CDH4: variants seen among roughly 807,000 people sequenced by gnomAD.
CDH4 encodes cadherin-4.
CDH4 carries 33 observed loss-of-function variants against 86.0 expected under a neutral mutation model. The observed-to-expected ratio is 0.38, with a 90% CI of 0.29 to 0.51. CDH4 has a LOEUF of 0.51. CDH4 is among the 20% of genes least tolerant of loss of function. The probability of loss-of-function intolerance (pLI) is 0.86; values close to 1 mark genes in which losing one functional copy is unlikely to be tolerated. For synonymous variants in CDH4, 555 were observed against 549.4 expected, an observed-to-expected ratio of 1.01 and a Z score of -0.14; for missense variants, 1,114 against 1,307.4, an observed-to-expected ratio of 0.85 and a Z score of 2.28.
intron 6 of CDH4, among the ~76,000 whole-genome samples, chr20:61,869,812 C>G (rs1232807505): frequency 6.6e-6 from 1 of 152,206 alleles, no homozygotes; most frequent in Non-Finnish European, 1.5e-5. Context: ...GGAGGACCTC[C>G]TGCCTGGCCT....
intron 8 of CDH4, among the ~76,000 whole-genome samples, chr20:61,907,570 A>T (rs1288256801): frequency 1.3e-5 from 2 of 152,176 alleles, no homozygotes; most frequent in African/African-American, 4.8e-5. Context: ...TGCAGGGCCC[A>T]GTGTGTCCCA....
chr20:61,477,877 C>T (rs1050572568), intron 2 of CDH4, among the ~76,000 whole-genome samples: 5 of 152,204 alleles, frequency 3.3e-5, no homozygotes, highest in African/African-American at 1.2e-4. Flanking sequence ...CAAGCAGAAC[C>T]TTCTCATTCT....
intron 2 of CDH4, among the ~76,000 whole-genome samples, chr20:61,633,676 C>T (rs1403171663): frequency 6.6e-6 from 1 of 152,214 alleles, no homozygotes; most frequent in Admixed American, 6.5e-5. Context: ...AACCTTCCTG[C>T]ACCCCAGTTT....
chr20:61,342,083 G>A (rs1372845074), intron 2 of CDH4, among the ~76,000 whole-genome samples: 1 of 152,150 alleles, frequency 6.6e-6, no homozygotes, highest in Non-Finnish European at 1.5e-5. Flanking sequence ...CGTGCATGTA[G>A]GGTCTGGGGA....
At chr20:61,764,553 A>G (rs994480543) in intron 3 of CDH4, among the ~76,000 whole-genome samples, 1 of 152,036 alleles carries the variant, frequency 6.6e-6, no homozygotes, top group Non-Finnish European at 1.5e-5. Context: ...ATGGGTGGAG[A>G]GTGAACACAC....
chr20:61,566,063 C>A (rs981309675), intron 2 of CDH4, among the ~76,000 whole-genome samples: 1 of 152,204 alleles, frequency 6.6e-6, no homozygotes, highest in Non-Finnish European at 1.5e-5. Context: ...CGGTGGGTCG[C>A]TGGTCCTCTG....
At position 61,934,187 on chromosome 20, in the gene CDH4, G is replaced by A. The variant is rs376784664; in HGVS notation, c.2511G>A (p.Pro837=). The change falls in exon 15 of 16, where the codon CCG becomes CCA. Residue 837 remains proline (P), a synonymous_variant. Coordinates refer to ENST00000614565, the MANE Select transcript of CDH4 (RefSeq NM_001794.5). ...EPQYPIRPMV[P]HPGDIGDFIN... ...AGTACCCGATCAGGCCCATGGTGCC[G>A]CACCCAGGCGACATCGGTGACTTCA... 96 of 1,581,018 alleles carry A rather than the reference G, an allele frequency of 6.1e-5. No individual in the cohort carries two copies. The highest frequency in any genetic ancestry group is 1.9e-4 in the Admixed American group (11 of 57,004).
chr20:61,877,356 A>G (rs1032721877), intron 7 of CDH4, among the ~76,000 whole-genome samples: 4 of 128,626 alleles, frequency 3.1e-5, no homozygotes, highest in Middle Eastern at 4.0e-3. Context: ...ACAGAGCGGT[A>G]CCCACCCCCC....
intron 4 of CDH4, among the ~76,000 whole-genome samples, chr20:61,780,520 G>C (rs1187918042): frequency 1.3e-5 from 2 of 152,186 alleles, no homozygotes; most frequent in African/African-American, 4.8e-5. Flanking sequence ...TGACGGACAC[G>C]GCCCTAGTGC....
intron 2 of CDH4, among the ~76,000 whole-genome samples, chr20:61,329,150 T>A (rs548359521): frequency 1.3e-5 from 2 of 152,362 alleles, no homozygotes; most frequent in South Asian, 2.1e-4. Context: ...GTACTGAACG[T>A]GTATCATTTT....
chr20:61,377,469 C>G lies in CDH4; in HGVS notation c.169+122532C>G, dbSNP rs543683156. The stretch of plus-strand genomic sequence containing the variant: ...CTGGTGCCTTTCCTGAGTGTAAAAC[C>G]CTCCAGCACCAAGACATCCCCATGT... On this transcript the variant is annotated intron_variant, in intron 2 of 15. Coordinates refer to ENST00000614565, the MANE Select transcript of CDH4 (RefSeq NM_001794.5). The surrounding 1 kb of genome is among the most constrained non-coding windows in gnomAD (Gnocchi z 4.0). Among the ~76,000 whole-genome samples, 183 of 152,254 alleles carry G rather than the reference C, an allele frequency of 1.2e-3. No homozygotes were observed. The highest frequency in any genetic ancestry group is 2.2e-3 in the Non-Finnish European group (152 of 68,020).
chr20:61,265,600 C>G (rs1271342178), intron 2 of CDH4, among the ~76,000 whole-genome samples: 1 of 152,214 alleles, frequency 6.6e-6, no homozygotes, highest in Admixed American at 6.5e-5. Context: ...TTCATTCAGT[C>G]TTACATGGAC....
intron 2 of CDH4, among the ~76,000 whole-genome samples, chr20:61,479,263 C>T (rs1283201921): frequency 6.6e-6 from 1 of 151,956 alleles, no homozygotes; most frequent in Non-Finnish European, 1.5e-5. Flanking sequence ...AGGTTTGTTA[C>T]ATATGTATAC....
At chr20:61,773,204 G>A (rs1373504355) in intron 4 of CDH4, 22 bp downstream of exon 4, 1 of 1,509,866 alleles carries the variant, frequency 6.6e-7, no homozygotes, top group Non-Finnish European at 8.9e-7. Context: ...CCCCTCCCGC[G>A]GGCACGGGGG....
At chr20:61,679,630 G>A (rs1006419915) in intron 2 of CDH4, among the ~76,000 whole-genome samples, 8 of 152,280 alleles carry the variant, frequency 5.3e-5, no homozygotes, top group East Asian at 1.9e-4. Flanking sequence ...CAAGATCTGC[G>A]GGGCAGGTGA....
intron 2 of CDH4, among the ~76,000 whole-genome samples, chr20:61,687,954 A>G (rs2145867842): frequency 6.6e-6 from 1 of 152,294 alleles, no homozygotes; most frequent in South Asian, 2.1e-4. Flanking sequence ...CCTTAAGCAC[A>G]AGCATTAACC....
chr20:61,282,366 A>G (rs78920818), intron 2 of CDH4, among the ~76,000 whole-genome samples: 2 of 152,244 alleles, frequency 1.3e-5, no homozygotes, highest in African/African-American at 4.8e-5. Context: ...CTCAAAAAAG[A>G]AAAAAGAAAT....
At chr20:61,857,884 T>TGTGTGTGTGTGTGTCTCTGTGTGC (rs1983093587) in intron 6 of CDH4, among the ~76,000 whole-genome samples, 1 of 149,764 alleles carries the variant, frequency 6.7e-6, no homozygotes. Flanking sequence ...TTGGTGTGTC[T>TGTGTGTGTGTGTGTCTCTGTGTGC]GTGTGTGTGT....
intron 2 of CDH4, among the ~76,000 whole-genome samples, chr20:61,655,794 C>T (rs2087180755): frequency 6.6e-6 from 1 of 152,208 alleles, no homozygotes; most frequent in African/African-American, 2.4e-5. Flanking sequence ...TCCTCAGGGA[C>T]CAGGTTGTCC....
Sources: allele counts gnomAD v4.1 joint callset (sites outside exome capture counted in the v4.1 genomes callset), GRCh38; gene constraint gnomAD v4.1.1; non-coding constraint Gnocchi (gnomAD v3.1); transcripts MANE v1.5; gene names NCBI Gene and HGNC (gene_info 2026-07-23, HGNC 2026-07-21).